The following ANK2 variants were observed in gnomAD, a reference collection of about 807,000 sequenced individuals.
ANK2 encodes ankyrin-2.
Under a neutral mutation model 360.5 loss-of-function variants are expected in ANK2, and 83 were observed. The observed-to-expected ratio is 0.23, with a 90% confidence interval of 0.19 to 0.28. The LOEUF is 0.28. ANK2 is among the 10% of genes least tolerant of loss of function. The pLI, the probability that ANK2 is intolerant of heterozygous loss-of-function variation, is 1.00. For synonymous variants in ANK2, 1,740 were observed against 1,759.5 expected, an observed-to-expected ratio of 0.99 and a Z score of 0.28; for missense variants, 4,201 against 4,795.7, an observed-to-expected ratio of 0.88 and a Z score of 3.66.
In ANK2 at chr4:113,355,238, A is replaced by G. The variant is rs751525740; in HGVS notation, c.6620A>G (p.Asn2207Ser). 1.2e-6 allele frequency: 2 copies of G among 1,614,112 alleles called. No homozygotes were observed. The highest frequency in any genetic ancestry group is 2.2e-5 in the South Asian group (2 of 91,088). The change falls in exon 38 of 46, where the codon AAT becomes AGT. Residue 2207 changes from asparagine to serine, a missense_variant. Around this residue, in one of 4 missense-constraint regions of ANK2, gnomAD observed 2,642 missense variants for 2,714.5 expected, o/e 0.97. Transcript: ENST00000357077. ...GATGGCAGTTCTGAAAGCCTAAAGA[A>G]TGAGGGGGTAGCCGGCTCTCCGTGT... The part of the protein sequence containing the change: ...ALDGSSESLK[N>S]EGVAGSPCGS...
intron 2 of ANK2, among the ~76,000 whole-genome samples, chr4:112,945,572 A>T (rs1170946516): frequency 6.6e-6 from 1 of 152,106 alleles, no homozygotes; most frequent in East Asian, 1.9e-4. Context: ...CCTTGACAAA[A>T]CCGAAAAGAG....
intron 1 of ANK2, among the ~76,000 whole-genome samples, chr4:112,851,776 A>C (rs1402381344): frequency 6.6e-6 from 1 of 151,902 alleles, no homozygotes; most frequent in African/African-American, 2.4e-5. Flanking sequence ...GGTGCATGCC[A>C]CCACACCTGG....
chr4:113,302,579 A>G (rs578010318), intron 22 of ANK2, among the ~76,000 whole-genome samples, 188 bp from the exon 23 acceptor site: 3 of 152,224 alleles, frequency 2.0e-5, no homozygotes, highest in Non-Finnish European at 4.4e-5. Flanking sequence ...ATAAATGATC[A>G]TTTATCTTCA....
intron 23 of ANK2, 149 bp downstream of exon 23, chr4:113,302,988 T>G: frequency 1.3e-6 from 1 of 755,866 alleles, no homozygotes; most frequent in Non-Finnish European, 2.3e-6. Context: ...ATACATTTAC[T>G]TTTGCCATGG....
chr4:112,960,223 C>G (rs1281740373), intron 2 of ANK2, among the ~76,000 whole-genome samples: 1 of 152,068 alleles, frequency 6.6e-6, no homozygotes, highest in Non-Finnish European at 1.5e-5. Context: ...GCTGGAGGAC[C>G]TGCATATATT....
chr4:113,167,708 T>C (rs186986573), intron 1 of ANK2, among the ~76,000 whole-genome samples: 29 of 152,360 alleles, frequency 1.9e-4, no homozygotes, highest in Non-Finnish European at 4.0e-4. Context: ...ACATACCTGT[T>C]AAACTGCACC....
intron 29 of ANK2, among the ~76,000 whole-genome samples, chr4:113,334,603 C>A (rs2093182755): frequency 7.4e-6 from 1 of 134,942 alleles, no homozygotes; most frequent in East Asian, 2.1e-4. Flanking sequence ...ATTAATTAAT[C>A]TATTACTAGA....
At chr4:113,172,998 C>T (rs2098043351) in intron 1 of ANK2, among the ~76,000 whole-genome samples, 1 of 152,158 alleles carries the variant, frequency 6.6e-6, no homozygotes, top group South Asian at 2.1e-4. Context: ...TTGGTACAGA[C>T]TTCAGGAAGG....
At chr4:112,826,427 A>C (rs1023848461) in intron 1 of ANK2, 5 of 1,051,978 alleles carry the variant, frequency 4.8e-6, no homozygotes, top group Non-Finnish European at 7.2e-6. Context: ...TACCAGCAGT[A>C]ACTTTTGAAG....
intron 2 of ANK2, among the ~76,000 whole-genome samples, chr4:112,949,993 A>T (rs1017390353): frequency 6.6e-6 from 1 of 152,264 alleles, no homozygotes; most frequent in African/African-American, 2.4e-5. Flanking sequence ...CAGTTGATCA[A>T]TAAACATAAT....
At chr4:112,718,582 G>A in the ANK2 span, among the ~76,000 whole-genome samples, 1 of 152,106 alleles carries the variant, frequency 6.6e-6, no homozygotes, top group Non-Finnish European at 1.5e-5. Flanking sequence ...CCAAAGTGCT[G>A]GCATTATAGG....
chr4:112,799,994 A>G, the ANK2 span, among the ~76,000 whole-genome samples: 1 of 152,166 alleles, frequency 6.6e-6, no homozygotes, highest in African/African-American at 2.4e-5. Context: ...CACACACCAC[A>G]TGTAAAATTA....
Position 113,355,319 on chromosome 4 carries a change from A to G in ANK2, c.6701A>G (p.Glu2234Gly). The change falls in exon 38 of 46, where the codon GAA (glutamate) becomes GGA (glycine). Residue 2234 changes from glutamate to glycine, a missense_variant. Physicochemically the swap from Glu to Gly is moderately conservative, Grantham distance 98. Around this residue, in one of 4 missense-constraint regions of ANK2, gnomAD observed 2,642 missense variants for 2,714.5 expected, o/e 0.97. Coordinates refer to ENST00000357077, the MANE Select transcript of ANK2 (RefSeq NM_001148.6). The part of the protein sequence containing the change: ...QISSEESYKH[E>G]GLAETPETSP... ...AGTTCAGAAGAAAGCTATAAGCATG[A>G]AGGCCTAGCAGAGACCCCTGAGACG... 1 of 1,614,038 alleles carries G rather than the reference A, an allele frequency of 6.2e-7. No individual in the cohort carries two copies. Among genetic ancestry groups the G allele is most frequent in the Non-Finnish European group, 8.5e-7 (1 of 1,179,978 alleles).
At chr4:113,268,330 C>G (rs906766259) in intron 14 of ANK2, among the ~76,000 whole-genome samples, 1 of 152,110 alleles carries the variant, frequency 6.6e-6, no homozygotes, top group Non-Finnish European at 1.5e-5. Flanking sequence ...TCTTGTGCAG[C>G]TTTTCAAAGG....
intron 2 of ANK2, among the ~76,000 whole-genome samples, chr4:112,967,590 G>C (rs2037806716): frequency 6.6e-6 from 1 of 152,178 alleles, no homozygotes; most frequent in Admixed American, 6.5e-5. Flanking sequence ...TTCCAAAGGT[G>C]TGAAAACAAA....
At chr4:112,721,457 G>A in the ANK2 span, among the ~76,000 whole-genome samples, 2 of 143,476 alleles carry the variant, frequency 1.4e-5, no homozygotes, top group East Asian at 2.2e-4. Flanking sequence ...CAGGAAAATC[G>A]TTTGAACCCA....
chr4:113,007,152 A>C (rs1035492011), intron 2 of ANK2, among the ~76,000 whole-genome samples: 1 of 152,310 alleles, frequency 6.6e-6, no homozygotes, highest in South Asian at 2.1e-4. Context: ...TTATTTACTT[A>C]TTTTAACTTA....
In ANK2 at chr4:113,353,328, C is replaced by T. The variant is rs554486974; in HGVS notation, c.4710C>T (p.Thr1570=). 58 of 1,613,960 alleles carry T rather than the reference C, an allele frequency of 3.6e-5. 1 individual carries two copies. The Admixed American group carries it at 4.3e-4, about 12-fold the overall frequency. ...EKVNEILRSG[T]CTRDESSVQS... ...TGAATGAAATCCTGAGAAGTGGAAC[C>T]TGCACAAGAGATGAAAGCAGTGTGC... The change falls in exon 38 of 46, where the codon ACC becomes ACT. Residue 1570 remains threonine, a synonymous_variant. Transcript: ENST00000357077.
chr4:112,987,326 GCAGCCTGGTGATGTTCTCTATACT>G (rs1298497743), intron 2 of ANK2, among the ~76,000 whole-genome samples: 1 of 152,168 alleles, frequency 6.6e-6, no homozygotes, highest in African/African-American at 2.4e-5. Flanking sequence ...AGGTGGCCGT[GCAGCCTGGTGATGTTCTCTATACT>G]CAGCCCAGCT....
Sources: allele counts gnomAD v4.1 joint callset (sites outside exome capture counted in the v4.1 genomes callset), GRCh38; gene constraint gnomAD v4.1.1; regional missense constraint gnomAD v4.1.1; transcripts MANE v1.5; gene names NCBI Gene and HGNC (gene_info 2026-07-23, HGNC 2026-07-21).